CALCR: variants seen among roughly 807,000 people sequenced by gnomAD.
CALCR encodes calcitonin receptor.
CALCR carries 47 observed loss-of-function variants against 59.5 expected under a neutral mutation model. The ratio of observed to expected loss-of-function variants is 0.79; its 90% CI spans 0.63 to 1.01. CALCR has a LOEUF of 1.01. Ranked by LOEUF, CALCR falls within the 50% of genes least tolerant of loss-of-function variation. The pLI, the probability that CALCR is intolerant of heterozygous loss-of-function variation, is 0.00. For synonymous variants in CALCR, 213 were observed against 211.3 expected (o/e 1.01, Z -0.07); for missense variants, 566 against 597.1 (o/e 0.95, Z 0.54).
At chr7:93,529,041 GATGA>G (rs750769709) in intron 2 of CALCR, among the ~76,000 whole-genome samples, 24 of 152,154 alleles carry the variant, frequency 1.6e-4, no homozygotes, top group Non-Finnish European at 3.1e-4. Flanking sequence ...TTCGTGCATG[GATGA>G]ATGAATGACA....
intron 7 of CALCR, among the ~76,000 whole-genome samples, chr7:93,463,680 G>T (rs1000078103): frequency 6.6e-6 from 1 of 151,956 alleles, no homozygotes; most frequent in African/African-American, 2.4e-5. Context: ...TGTGATAATT[G>T]TTCTGAAGAA....
At chr7:93,434,652 A>C (rs907794579) in intron 12 of CALCR, among the ~76,000 whole-genome samples, 1 of 151,856 alleles carries the variant, frequency 6.6e-6, no homozygotes, top group African/African-American at 2.4e-5. Flanking sequence ...AATTCAGTAG[A>C]GGGATCTTTT....
At chr7:93,537,727 C>CAT (rs1470846649) in intron 2 of CALCR, among the ~76,000 whole-genome samples, 7 of 151,684 alleles carry the variant, frequency 4.6e-5, no homozygotes, top group African/African-American at 9.6e-5. Flanking sequence ...CACACACACA[C>CAT]ACATACATAC....
At chr7:93,561,913 G>T (rs1789759397) in intron 2 of CALCR, among the ~76,000 whole-genome samples, 1 of 150,444 alleles carries the variant, frequency 6.6e-6, no homozygotes, top group East Asian at 2.0e-4. Context: ...GAGCTCTGTA[G>T]TTAGGTATTT....
chr7:93,460,957 A>AGGCTACCCTTTGGCAGCC lies in CALCR; in HGVS notation c.522-11_522-10insGGCTGCCAAAGGGTAGCC. ...TTGGCAGCCAAGGCTCCTGGAAGAA[A>AGGCTACCCTTTGGCAGCC]AAGTAACATAAAGCATTAACCAGTG... On this transcript the variant is annotated splice_polypyrimidine_tract_variant and intron_variant, in intron 7 of 13. Coordinates refer to ENST00000426151, the MANE Select transcript of CALCR (RefSeq NM_001742.4). 1 of 1,605,272 alleles carries AGGCTACCCTTTGGCAGCC rather than the reference A, an allele frequency of 6.2e-7. No individual in the cohort carries two copies. The highest frequency in any genetic ancestry group is 1.1e-5 in the South Asian group (1 of 89,338).
At chr7:93,524,253 T>G (rs1801828156) in intron 2 of CALCR, among the ~76,000 whole-genome samples, 1 of 150,948 alleles carries the variant, frequency 6.6e-6, no homozygotes, top group Admixed American at 6.6e-5. Flanking sequence ...CACTGCAAGC[T>G]CCGCCTCCCT....
chr7:93,434,733 T>C (rs1052598205), intron 12 of CALCR, among the ~76,000 whole-genome samples: 2 of 152,174 alleles, frequency 1.3e-5, no homozygotes, highest in African/African-American at 4.8e-5. Context: ...AGTGCAATAC[T>C]GTACCCACCG....
At chr7:93,553,106 C>G (rs913575251) in intron 2 of CALCR, among the ~76,000 whole-genome samples, 3 of 152,168 alleles carry the variant, frequency 2.0e-5, no homozygotes, top group Non-Finnish European at 2.9e-5. Context: ...AATAAAATGA[C>G]TTTTATCCAA....
intron 5 of CALCR, among the ~76,000 whole-genome samples, chr7:93,472,980 T>A (rs1800585914): frequency 1.3e-5 from 2 of 151,832 alleles, no homozygotes; most frequent in Admixed American, 1.3e-4. Context: ...TGTTCAAATC[T>A]TCCCAATCCC....
chr7:93,505,718 C>T (rs1321361577), intron 2 of CALCR, among the ~76,000 whole-genome samples: 1 of 152,100 alleles, frequency 6.6e-6, no homozygotes, highest in Admixed American at 6.5e-5. Flanking sequence ...GAACCTCTCT[C>T]GTGCAAAATA....
intron 8 of CALCR, among the ~76,000 whole-genome samples, chr7:93,456,893 A>T (rs1800220115): frequency 6.6e-6 from 1 of 152,086 alleles, no homozygotes; most frequent in Non-Finnish European, 1.5e-5. Context: ...TGGCTCCCTA[A>T]ATCTCACACT....
intron 2 of CALCR, among the ~76,000 whole-genome samples, chr7:93,573,816 A>G (rs1248036583): frequency 1.3e-5 from 2 of 152,238 alleles, no homozygotes; most frequent in Non-Finnish European, 2.9e-5. Flanking sequence ...TATTCTCTGT[A>G]AAACATGACT....
At chr7:93,482,793 A>C (rs1286703164) in intron 3 of CALCR, 1 of 533,564 alleles carries the variant, frequency 1.9e-6, no homozygotes, top group Non-Finnish European at 3.9e-6. Flanking sequence ...ATATTGAAAC[A>C]AACTCCAGTG....
chr7:93,472,541 A>C, intron 5 of CALCR, 54 bp from the exon 6 acceptor site: 1 of 1,029,910 alleles, frequency 9.7e-7, no homozygotes, highest in Non-Finnish European at 1.5e-6. Context: ...CCCAACAAGG[A>C]AAAATAATAA....
intron 2 of CALCR, among the ~76,000 whole-genome samples, chr7:93,548,149 C>A (rs1029099609): frequency 6.6e-6 from 1 of 152,238 alleles, no homozygotes; most frequent in Non-Finnish European, 1.5e-5. Context: ...CTGAGGTGTG[C>A]GGAGCTCTCT....
chr7:93,451,289 A>G (rs1401300675), intron 8 of CALCR, among the ~76,000 whole-genome samples: 1 of 151,974 alleles, frequency 6.6e-6, no homozygotes, highest in Non-Finnish European at 1.5e-5. Flanking sequence ...TTTTCTCATA[A>G]AGAAGAGATG....
At chr7:93,470,810 A>G (rs966816150) in intron 6 of CALCR, among the ~76,000 whole-genome samples, 12 of 151,592 alleles carry the variant, frequency 7.9e-5, no homozygotes, top group Non-Finnish European at 1.8e-4. Flanking sequence ...GTTTTAGGGT[A>G]CATGTGCACA....
intron 2 of CALCR, among the ~76,000 whole-genome samples, chr7:93,515,913 G>A (rs530104509): frequency 1.3e-5 from 2 of 151,788 alleles, no homozygotes; most frequent in Admixed American, 1.3e-4. Flanking sequence ...CTGATATATT[G>A]TAAAAATCTA....
At chr7:93,532,730 C>G (rs10238482) in intron 2 of CALCR, among the ~76,000 whole-genome samples, 3,789 of 146,496 alleles carry the variant, frequency 0.026, 159 homozygotes, top group African/African-American at 0.09. Context: ...CAATTCTTTA[C>G]AATACAAATG....
Sources: allele counts gnomAD v4.1 joint callset (sites outside exome capture counted in the v4.1 genomes callset), GRCh38; gene constraint gnomAD v4.1.1; transcripts MANE v1.5; gene names NCBI Gene and HGNC (gene_info 2026-07-23, HGNC 2026-07-21).